Variants in IMMP2L observed in about 807,000 individuals in gnomAD.
IMMP2L encodes the protein mitochondrial inner membrane protease subunit 2.
In IMMP2L, 18 loss-of-function variants were observed where a neutral mutation model predicts 19.3. That is an observed-to-expected ratio of 0.93 (90% confidence interval 0.64 to 1.38). The LOEUF is 1.38. Ranked by LOEUF, IMMP2L falls within the 40% of genes most tolerant of loss-of-function variation. The pLI, the probability that IMMP2L is intolerant of heterozygous loss-of-function variation, is 0.00. For missense variants in IMMP2L, 233 were observed against 218.2 expected, an observed-to-expected ratio of 1.07 and a Z score of -0.43; for synonymous variants, 76 against 73.0, an observed-to-expected ratio of 1.04 and a Z score of -0.21.
At chr7:110,979,250 C>T (rs1821003670) in intron 3 of IMMP2L, among the ~76,000 whole-genome samples, 1 of 152,082 alleles carries the variant, frequency 6.6e-6, no homozygotes, top group Non-Finnish European at 1.5e-5. Context: ...GCTATCGCTA[C>T]AAATTTGTCT....
At chr7:111,250,978 TGA>T (rs1220829704) in intron 3 of IMMP2L, among the ~76,000 whole-genome samples, 1 of 152,092 alleles carries the variant, frequency 6.6e-6, no homozygotes, top group East Asian at 1.9e-4. Flanking sequence ...ACCTATAGAA[TGA>T]GAGAAAATTT....
chr7:111,493,484 C>G (rs931774732), intron 2 of IMMP2L, among the ~76,000 whole-genome samples: 7 of 148,386 alleles, frequency 4.7e-5, no homozygotes, highest in Non-Finnish European at 9.0e-5. Flanking sequence ...GGGTGGATCA[C>G]GAGGTCAGGA....
chr7:110,981,165 T>A (rs1248576176), intron 3 of IMMP2L, among the ~76,000 whole-genome samples: 2 of 152,216 alleles, frequency 1.3e-5, no homozygotes, highest in African/African-American at 4.8e-5. Context: ...ACTGTGTGTT[T>A]GACAAGGTGA....
intron 3 of IMMP2L, among the ~76,000 whole-genome samples, chr7:111,154,162 T>C (rs1430369378): frequency 1.3e-5 from 2 of 152,102 alleles, no homozygotes; most frequent in Non-Finnish European, 2.9e-5. Flanking sequence ...TATGCTCTAT[T>C]ATACCACACT....
At chr7:111,169,073 G>T (rs1348989624) in intron 3 of IMMP2L, among the ~76,000 whole-genome samples, 1 of 151,854 alleles carries the variant, frequency 6.6e-6, no homozygotes. Flanking sequence ...GAGGTAATTT[G>T]CAAAAACAGC....
intron 3 of IMMP2L, among the ~76,000 whole-genome samples, chr7:111,253,552 T>G (rs1336586891): frequency 6.6e-6 from 1 of 152,056 alleles, no homozygotes; most frequent in Non-Finnish European, 1.5e-5. Context: ...AAAATAAAAG[T>G]CTTGAGAGGG....
chr7:111,139,604 G>C (rs568108659), intron 3 of IMMP2L, among the ~76,000 whole-genome samples: 1 of 152,186 alleles, frequency 6.6e-6, no homozygotes, highest in African/African-American at 2.4e-5. Flanking sequence ...GTAGTAATTA[G>C]CCTAACCCTG....
intron 3 of IMMP2L, among the ~76,000 whole-genome samples, chr7:111,320,746 T>A (rs1477795302): frequency 6.6e-6 from 1 of 152,068 alleles, no homozygotes; most frequent in Non-Finnish European, 1.5e-5. Flanking sequence ...GGTGTAATCC[T>A]CAAGAAAACA....
chr7:111,346,368 G>C (rs975602092), intron 3 of IMMP2L, among the ~76,000 whole-genome samples: 4 of 152,098 alleles, frequency 2.6e-5, no homozygotes, highest in Admixed American at 1.3e-4. Flanking sequence ...AGGAGAGAAG[G>C]GGGTAAGAGA....
chr7:111,506,533 G>T (rs1004312660), intron 2 of IMMP2L, among the ~76,000 whole-genome samples: 1 of 152,152 alleles, frequency 6.6e-6, no homozygotes, highest in Non-Finnish European at 1.5e-5. Flanking sequence ...GAGTAGCTGG[G>T]ACTACAGGCA....
intron 3 of IMMP2L, among the ~76,000 whole-genome samples, chr7:111,030,924 AT>A (rs1215014489): frequency 9.3e-5 from 12 of 129,380 alleles, no homozygotes; most frequent in African/African-American, 3.2e-4. Context: ...ATATATATAT[AT>A]AAAATATATA....
At chr7:111,305,333 T>C (rs1822746352) in intron 3 of IMMP2L, among the ~76,000 whole-genome samples, 1 of 152,152 alleles carries the variant, frequency 6.6e-6, no homozygotes, top group Admixed American at 6.6e-5. Context: ...CCCTGAGTGC[T>C]AAATATTTTT....
rs376114289 is a variant in IMMP2L, at chr7:111,417,551, G to A, written c.239+69687C>T. On this transcript the variant is annotated intron_variant, in intron 3 of 5. Coordinates refer to ENST00000405709, the MANE Select transcript of IMMP2L (RefSeq NM_032549.4). Reference sequence around the variant, plus strand: ...ACATGGGGTCCTGATATGAAGGTTCGTAGTCAGAGGTCTATGAAGACCCCT... The same window carrying A: ...ACATGGGGTCCTGATATGAAGGTTCATAGTCAGAGGTCTATGAAGACCCCT... Among the ~76,000 whole-genome samples the A allele has an allele frequency of 2.4e-3, 369 of 151,836 alleles. 10 individuals are homozygous for A. Among genetic ancestry groups the A allele is most frequent in the African/African-American group, 8.5e-3 (351 of 41,194 alleles).
intron 3 of IMMP2L, among the ~76,000 whole-genome samples, chr7:111,154,797 AC>A (rs1412808953): frequency 2.6e-5 from 4 of 152,090 alleles, no homozygotes; most frequent in Admixed American, 2.6e-4. Flanking sequence ...TCTGTCAGTC[AC>A]CCAAGCCGGA....
intron 5 of IMMP2L, among the ~76,000 whole-genome samples, chr7:110,705,728 C>G (rs2130676258): frequency 6.6e-6 from 1 of 151,990 alleles, no homozygotes; most frequent in East Asian, 1.9e-4. Context: ...TTTTTCAACC[C>G]TTCCTTCCCC....
intron 3 of IMMP2L, among the ~76,000 whole-genome samples, chr7:111,243,205 C>T (rs1453472259): frequency 6.6e-6 from 1 of 151,960 alleles, no homozygotes; most frequent in Non-Finnish European, 1.5e-5. Context: ...TCCCAAGATA[C>T]ATATTCTGAA....
chr7:111,223,736 T>C (rs1220030587), intron 3 of IMMP2L, among the ~76,000 whole-genome samples: 1 of 152,110 alleles, frequency 6.6e-6, no homozygotes, highest in Non-Finnish European at 1.5e-5. Context: ...TTCTTGCAGC[T>C]GAAAATTTCA....
chr7:111,051,253 T>C (rs931585776), intron 3 of IMMP2L, among the ~76,000 whole-genome samples: 3 of 152,208 alleles, frequency 2.0e-5, no homozygotes, highest in Non-Finnish European at 2.9e-5. Context: ...TTCTATATTG[T>C]CAGCATTTTA....
intron 3 of IMMP2L, among the ~76,000 whole-genome samples, chr7:111,363,225 G>A (rs1829427375): frequency 6.6e-6 from 1 of 151,916 alleles, no homozygotes; most frequent in Admixed American, 6.6e-5. Context: ...CTAAATCCTT[G>A]CTACTCAAAG....
Sources: allele counts gnomAD v4.1 joint callset (sites outside exome capture counted in the v4.1 genomes callset), GRCh38; gene constraint gnomAD v4.1.1; transcripts MANE v1.5; gene names NCBI Gene and HGNC (gene_info 2026-07-23, HGNC 2026-07-21).